LY96: variants seen among roughly 807,000 people sequenced by gnomAD.
The protein encoded by LY96 is myeloid differentiation protein-2.
In LY96, 18 loss-of-function variants were observed where a neutral mutation model predicts 18.9. The observed-to-expected ratio is 0.95, with a 90% CI of 0.66 to 1.41. LY96 has a LOEUF of 1.41. Among genes scored for constraint, LY96 ranks in the 40% most tolerant of loss-of-function variants. The probability of loss-of-function intolerance (pLI) is 0.00; values close to 1 mark genes in which losing one functional copy is unlikely to be tolerated. For synonymous variants in LY96, 66 were observed against 62.6 expected (o/e 1.06, Z -0.26); for missense variants, 175 against 182.4 (o/e 0.96, Z 0.23).
At chr8:74,086,837 G>T in the LY96 span, among the ~76,000 whole-genome samples, 1 of 152,170 alleles carries the variant, frequency 6.6e-6, no homozygotes. Context: ...CAGCAAGAAG[G>T]GGCCATCTAT....
chr8:74,005,272 A>G (rs1397352065), intron 2 of LY96, among the ~76,000 whole-genome samples: 1 of 152,170 alleles, frequency 6.6e-6, no homozygotes, highest in African/African-American at 2.4e-5. Context: ...CATTTTCAGT[A>G]TGGCTGCTTG....
the LY96 span, among the ~76,000 whole-genome samples, chr8:74,088,153 A>AGAATAGAATAGAAT: frequency 1.4e-5 from 1 of 70,116 alleles, no homozygotes; most frequent in African/African-American, 5.4e-5. Flanking sequence ...TAGAATAGAA[A>AGAATAGAATAGAAT]AGAATAGAAA....
At chr8:74,041,034 G>A in the LY96 span, among the ~76,000 whole-genome samples, 3 of 152,256 alleles carry the variant, frequency 2.0e-5, no homozygotes, top group Non-Finnish European at 4.4e-5. Flanking sequence ...GTTGCGGGAA[G>A]TCAGGGACCC....
At chr8:74,004,760 G>C (rs766113634) in intron 1 of LY96, 36 bp from the exon 2 acceptor site, 5 of 1,499,972 alleles carry the variant, frequency 3.3e-6, no homozygotes, top group African/African-American at 1.4e-5. Flanking sequence ...GAGATGATTT[G>C]TAGTAATTTA....
the LY96 span, among the ~76,000 whole-genome samples, chr8:74,093,483 CAT>C: frequency 4.6e-5 from 7 of 152,346 alleles, no homozygotes; most frequent in African/African-American, 9.6e-5. Context: ...ACATTCTTAA[CAT>C]GTGGTAAATA....
intron 3 of LY96, among the ~76,000 whole-genome samples, chr8:74,022,845 C>T (rs1036382342): frequency 6.6e-6 from 1 of 152,150 alleles, no homozygotes; most frequent in African/African-American, 2.4e-5. Flanking sequence ...TCCCAAAGTG[C>T]TGGGATTACA....
the LY96 span, among the ~76,000 whole-genome samples, chr8:74,036,895 G>A: frequency 6.6e-6 from 1 of 152,192 alleles, no homozygotes; most frequent in African/African-American, 2.4e-5. Flanking sequence ...ATGGGGAGGG[G>A]TTTGGAAACA....
At chr8:74,068,995 A>G in the LY96 span, among the ~76,000 whole-genome samples, 1 of 152,172 alleles carries the variant, frequency 6.6e-6, no homozygotes, top group Non-Finnish European at 1.5e-5. Flanking sequence ...GGGTTTCACC[A>G]CGTTGGTCTC....
At chr8:74,039,408 T>G in the LY96 span, among the ~76,000 whole-genome samples, 1 of 152,088 alleles carries the variant, frequency 6.6e-6, no homozygotes, top group Non-Finnish European at 1.5e-5. Context: ...GGTTAATGGG[T>G]GTTCTCCCCG....
chr8:74,079,115 T>A, the LY96 span, among the ~76,000 whole-genome samples: 2 of 152,176 alleles, frequency 1.3e-5, no homozygotes, highest in African/African-American at 2.4e-5. Flanking sequence ...CATCATCCAA[T>A]CTGTTGAAGG....
At chr8:74,019,441 C>T (rs878956697) in intron 3 of LY96, among the ~76,000 whole-genome samples, 1 of 151,908 alleles carries the variant, frequency 6.6e-6, no homozygotes. Context: ...GCCTACCAAC[C>T]AAAAAAAGTC....
chr8:74,020,728 A>T (rs890041705), intron 3 of LY96, among the ~76,000 whole-genome samples: 7 of 152,204 alleles, frequency 4.6e-5, no homozygotes, highest in Non-Finnish European at 1.0e-4. Flanking sequence ...AGAGATATAG[A>T]CCAATGGAAT....
chr8:74,053,098 A>C, the LY96 span, among the ~76,000 whole-genome samples: 199 of 152,306 alleles, frequency 1.3e-3, 2 homozygotes, highest in African/African-American at 4.6e-3. Context: ...CTCCATCTGT[A>C]GTCCCTATTT....
At chr8:73,994,287 T>C (rs1201875167) in intron 1 of LY96, among the ~76,000 whole-genome samples, 1 of 152,194 alleles carries the variant, frequency 6.6e-6, no homozygotes, top group Non-Finnish European at 1.5e-5. Context: ...TGTTGCTTGT[T>C]GCCATCCCCA....
At chr8:74,011,765 A>G (rs1816536302) in intron 3 of LY96, among the ~76,000 whole-genome samples, 1 of 151,690 alleles carries the variant, frequency 6.6e-6, no homozygotes, top group Non-Finnish European at 1.5e-5. Flanking sequence ...AGGCTGAGGC[A>G]GGAGAATCGC....
At chr8:73,998,045 A>C (rs1249044620) in intron 1 of LY96, among the ~76,000 whole-genome samples, 2 of 152,130 alleles carry the variant, frequency 1.3e-5, no homozygotes, top group African/African-American at 2.4e-5. Context: ...GCAGGATGGG[A>C]GGTGGGGCTA....
At chr8:74,074,059 G>C in the LY96 span, among the ~76,000 whole-genome samples, 1 of 151,954 alleles carries the variant, frequency 6.6e-6, no homozygotes, top group African/African-American at 2.4e-5. Context: ...GTGCAGTGGC[G>C]CAATCTCAGC....
chr8:74,031,634 CAA>C (rs59273111), downstream of LY96, among the ~76,000 whole-genome samples: 60 of 103,624 alleles, frequency 5.8e-4, no homozygotes, highest in Admixed American at 1.3e-3. Flanking sequence ...GACTCTGTCT[CAA>C]AAAAAAAAAA....
At position 74,026,807 on chromosome 8, in the gene LY96, T is replaced by C; in HGVS notation, c.350T>C (p.Ile117Thr). Residue 117 changes from isoleucine to threonine, a missense_variant, in exon 4 of 5, where the codon ATA becomes ACA. Ile to Thr is a moderately conservative substitution (Grantham distance 89). Transcript: ENST00000284818. ...ALKGETVNTT[I>T]SFSFKGIKFS... Reference sequence around the variant, plus strand: ...TTTGCAGAGACTGTGAATACAACAATATCATTCTCCTTCAAGGGAATAAAA... The same window carrying C: ...TTTGCAGAGACTGTGAATACAACAACATCATTCTCCTTCAAGGGAATAAAA... 2 of 1,535,030 alleles carry C rather than the reference T, an allele frequency of 1.3e-6. No individual in the cohort carries two copies. Among genetic ancestry groups the C allele is most frequent in the South Asian group, 1.1e-5 (1 of 89,234 alleles).
Sources: allele counts gnomAD v4.1 joint callset (sites outside exome capture counted in the v4.1 genomes callset), GRCh38; gene constraint gnomAD v4.1.1; transcripts MANE v1.5; gene names NCBI Gene and HGNC (gene_info 2026-07-23, HGNC 2026-07-21).